Variants in SEPTIN3 observed in about 807,000 individuals in gnomAD.
SEPTIN3 encodes the protein septin 3, also known as neuronal-specific septin-3.
Under a neutral mutation model 45.1 loss-of-function variants are expected in SEPTIN3, and 15 were observed. The ratio of observed to expected loss-of-function variants is 0.33; its 90% CI spans 0.22 to 0.51. The LOEUF is 0.51. SEPTIN3 is among the 20% of genes least tolerant of loss of function. The probability of loss-of-function intolerance (pLI) is 0.97; values close to 1 mark genes in which losing one functional copy is unlikely to be tolerated. For synonymous variants in SEPTIN3, 148 were observed against 164.8 expected (o/e 0.90, Z 0.78); for missense variants, 289 against 457.2 (o/e 0.63, Z 3.35).
Position 41,987,252 on chromosome 22 carries a change from C to T in SEPTIN3, c.1872C>T (p.Thr624=). 6.2e-7 allele frequency: 1 copy of T among 1,613,564 alleles called. No homozygotes were observed. Residue 624 remains threonine, a synonymous_variant, in exon 5 of 12, where the codon ACC becomes ACT. Transcript: ENST00000644076. ...GVKMKLTVID[T]PGFGDQINNE... ...AAATGAAGCTGACCGTCATCGACAC[C>T]CCAGGCTTTGGAGACCAAATCAACA... is the stretch of plus-strand genomic sequence containing the variant.
chr22:41,971,416 C>G (rs905486711), intron 1 of SEPTIN3, 58 bp from the exon 2 acceptor site: 8 of 398,376 alleles, frequency 2.0e-5, no homozygotes, highest in Non-Finnish European at 2.7e-5. Flanking sequence ...AGAGCTGAGA[C>G]CTCCAGGCCT....
chr22:41,985,921 G>T, intron 3 of SEPTIN3, 63 bp from the exon 4 acceptor site: 1 of 1,524,692 alleles, frequency 6.6e-7, no homozygotes, highest in South Asian at 1.2e-5. Context: ...AGCTTATGGA[G>T]AAATATTAGG....
intron 11 of SEPTIN3, chr22:41,996,617 A>G: frequency 4.3e-6 from 5 of 1,173,024 alleles, no homozygotes; most frequent in Non-Finnish European, 5.3e-6. Flanking sequence ...ACAAAGTTAC[A>G]GGGTAGGCAC....
intron 11 of SEPTIN3, chr22:41,995,632 C>T: frequency 4.1e-6 from 4 of 985,268 alleles, no homozygotes; most frequent in Non-Finnish European, 4.8e-6. Flanking sequence ...CAGTCTACTT[C>T]CAGAAATGAC....
chr22:41,986,232 AC>A, intron 4 of SEPTIN3, 120 bp downstream of exon 4: 1 of 1,204,456 alleles, frequency 8.3e-7, no homozygotes. Context: ...GACAAAACAG[AC>A]GTGAGCACTT....
intron 2 of SEPTIN3, among the ~76,000 whole-genome samples, chr22:41,974,909 G>A (rs915713186): frequency 2.1e-5 from 3 of 140,880 alleles, no homozygotes; most frequent in African/African-American, 8.0e-5. Context: ...TACCTCCTAC[G>A]TGAAAATACT....
Position 41,989,229 on chromosome 22 carries a change from C to T in SEPTIN3, c.2046-338C>T, listed in dbSNP as rs1256829061. ...CAGACAAAAAAGGAAAAAAGACACA[C>T]ACGCACAAGGACATATGAGTAGAGA... On this transcript the variant is annotated intron_variant, in intron 6 of 11. Coordinates refer to ENST00000644076, the MANE Select transcript of SEPTIN3 (RefSeq NM_001363845.2). Among the ~76,000 whole-genome samples, 3 of 151,312 alleles carry T rather than the reference C, an allele frequency of 2.0e-5. No homozygotes were observed. In the South Asian group the frequency reaches 6.3e-4, roughly 32 times the overall value.
Position 41,989,612 on chromosome 22 carries a change from T to C in SEPTIN3, c.2091T>C (p.Val697=). Residue 697 remains valine (V), a synonymous_variant, in exon 7 of 12, where the codon GTT becomes GTC. Transcript: ENST00000644076. ...AGTTCATGAAACACCTCAGCAAGGTTGTGAACATCATCCCTGTCATTGCTA... is the reference window on the plus strand; with the variant it reads ...AGTTCATGAAACACCTCAGCAAGGTCGTGAACATCATCCCTGTCATTGCTA... ...DLEFMKHLSK[V]VNIIPVIAKA... 6.2e-7 allele frequency: 1 copy of C among 1,614,120 alleles called. No homozygotes were observed. Among genetic ancestry groups the C allele is most frequent in the Non-Finnish European group, 8.5e-7 (1 of 1,180,004 alleles).
At chr22:41,979,073 C>T (rs2078079727) in intron 2 of SEPTIN3, among the ~76,000 whole-genome samples, 1 of 152,206 alleles carries the variant, frequency 6.6e-6, no homozygotes. Context: ...GGGAGGCTGA[C>T]TTGCCAGCAG....
chr22:41,996,734 C>T, intron 11 of SEPTIN3, 168 bp from the exon 12 acceptor site: 2 of 1,498,938 alleles, frequency 1.3e-6, no homozygotes, highest in Non-Finnish European at 1.8e-6. Flanking sequence ...GACCTTGGAC[C>T]AGCAGGGGAA....
At chr22:41,991,109 G>T (rs947797547) in intron 7 of SEPTIN3, among the ~76,000 whole-genome samples, 1 of 61,484 alleles carries the variant, frequency 1.6e-5, no homozygotes, top group African/African-American at 5.9e-5. Context: ...TAATCAAATA[G>T]AAAATGAAGA....
At chr22:41,993,520 T>A (rs781197300) in intron 9 of SEPTIN3, among the ~76,000 whole-genome samples, 38 of 152,140 alleles carry the variant, frequency 2.5e-4, no homozygotes, top group Non-Finnish European at 5.3e-4. Context: ...TTAGCCCAGC[T>A]AATTTTTGTA....
At position 41,994,511 on chromosome 22, in the gene SEPTIN3, C is replaced by T. The variant is rs979773515; in HGVS notation, c.2412-110C>T. On this transcript the variant is annotated intron_variant, in intron 10 of 11. Coordinates refer to ENST00000644076, the MANE Select transcript of SEPTIN3 (RefSeq NM_001363845.2). This position sits in a 1 kb window ranked among gnomAD's most constrained non-coding sequence, Gnocchi z 4.2. Reference sequence around the variant, plus strand: ...GGTGCTGTAGAAGAATCCTTAGCTCCTGGGAGTGGTTCCCATTCACTGGGT... The same window carrying T: ...GGTGCTGTAGAAGAATCCTTAGCTCTTGGGAGTGGTTCCCATTCACTGGGT... 1.3e-5 allele frequency: 20 copies of T among 1,560,348 alleles called. No homozygotes were observed. The highest frequency in any genetic ancestry group is 1.7e-5 in the Non-Finnish European group (20 of 1,143,884).
chr22:41,991,781 C>T, intron 8 of SEPTIN3, 113 bp downstream of exon 8: 2 of 781,844 alleles, frequency 2.6e-6, no homozygotes, highest in South Asian at 3.0e-5. Flanking sequence ...CCAACCTTGC[C>T]TGACCCAGAC....
intron 9 of SEPTIN3, among the ~76,000 whole-genome samples, chr22:41,993,328 A>ATT (rs113676576): frequency 1.2e-4 from 18 of 145,578 alleles, no homozygotes; most frequent in East Asian, 4.0e-4. Flanking sequence ...TCAGACTCAG[A>ATT]TTTTTTTTTT....
In SEPTIN3 at chr22:41,977,004, T is replaced by C. The variant is rs571954847; in HGVS notation, c.1504+4008T>C. The C allele has an allele frequency of 1.3e-4, 200 of 1,561,462 alleles. 1 individual carries two copies. The African/African-American group carries it at 2.6e-3, about 20-fold the overall frequency. ...CGGCCCGGGGAAGCCCGCGCCCCGC[T>C]CAGCCTTGCAGCCCCGCGCCCGGAG... On this transcript the variant is annotated intron_variant, in intron 2 of 11. Coordinates refer to ENST00000644076, the MANE Select transcript of SEPTIN3 (RefSeq NM_001363845.2).
rs112395139 is a variant in SEPTIN3 at position 41,971,831 on chromosome 22, C to G, written c.339C>G (p.Leu113=). ...PRKLSSISLT[L]HQNSQARSLD... ...AGCTCAGCTCCATCTCCTTGACTCT[C>G]CATCAGAACAGCCAGGCACGGTCCC... The change falls in exon 2 of 12, where the codon CTC becomes CTG. Residue 113 remains leucine (L), a synonymous_variant. Coordinates refer to ENST00000644076, the MANE Select transcript of SEPTIN3 (RefSeq NM_001363845.2). 1 of 399,236 alleles carries G rather than the reference C, an allele frequency of 2.5e-6. No homozygotes were observed. Among genetic ancestry groups the G allele is most frequent in the African/African-American group, 2.1e-5 (1 of 48,642 alleles). The allele number at this position is 399,236 out of a possible 1,614,324, so 24.7% of individuals were successfully genotyped here.
intron 2 of SEPTIN3, among the ~76,000 whole-genome samples, chr22:41,975,126 G>C (rs1366183299): frequency 6.6e-6 from 1 of 152,096 alleles, no homozygotes; most frequent in East Asian, 1.9e-4. Context: ...AGGTAAGTTG[G>C]AGCCTTGTAT....
intron 6 of SEPTIN3, 28 bp downstream of exon 6, chr22:41,987,787 A>T: frequency 1.3e-6 from 2 of 1,595,888 alleles, no homozygotes; most frequent in Non-Finnish European, 1.7e-6. Context: ...CCCTATTGTC[A>T]GGCCTGGTCT....
Sources: gnomAD v4.1 joint callset for allele counts (sites outside exome capture counted in the v4.1 genomes callset) on GRCh38, gnomAD v4.1.1 for gene constraint, Gnocchi (gnomAD v3.1) non-coding constraint, MANE v1.5 for transcripts, NCBI Gene and HGNC (gene_info 2026-07-23, HGNC 2026-07-21) for gene names.